Variants in GTF2I observed in about 807,000 individuals in gnomAD.
GTF2I encodes the protein general transcription factor II-I.
Under a neutral mutation model 67.6 loss-of-function variants are expected in GTF2I, and 12 were observed. The observed-to-expected ratio is 0.18, with a 90% CI of 0.11 to 0.29. GTF2I has a LOEUF of 0.29. Among genes scored for constraint, GTF2I ranks in the 10% least tolerant of loss-of-function variants. The pLI is 1.00. For synonymous variants in GTF2I, 149 were observed against 197.0 expected, an observed-to-expected ratio of 0.76 and a Z score of 2.04; for missense variants, 271 against 580.1, an observed-to-expected ratio of 0.47 and a Z score of 5.47.
intron 3 of GTF2I, among the ~76,000 whole-genome samples, chr7:74,697,583 C>G (rs2131322741): frequency 6.6e-6 from 1 of 152,198 alleles, no homozygotes; most frequent in Middle Eastern, 3.4e-3. Flanking sequence ...ATAATCTTCT[C>G]ATATTTAAAT....
At chr7:74,659,969 A>G (rs1804324019) in intron 1 of GTF2I, among the ~76,000 whole-genome samples, 1 of 152,158 alleles carries the variant, frequency 6.6e-6, no homozygotes, top group African/African-American at 2.4e-5. Flanking sequence ...GTGCAGGTAG[A>G]GTGCCCTGCG....
chr7:74,725,670 A>T (rs1793674516), intron 12 of GTF2I, among the ~76,000 whole-genome samples: 2 of 152,030 alleles, frequency 1.3e-5, no homozygotes, highest in Non-Finnish European at 2.9e-5. Flanking sequence ...AAGGAGGGAG[A>T]CCCTGTCTTA....
intron 1 of GTF2I, among the ~76,000 whole-genome samples, chr7:74,678,800 C>A (rs587761001): frequency 6.6e-6 from 1 of 152,248 alleles, no homozygotes; most frequent in Admixed American, 6.5e-5. Flanking sequence ...GAGACAGAGT[C>A]TCGCTCTGTC....
intron 1 of GTF2I, among the ~76,000 whole-genome samples, chr7:74,673,862 G>T (rs965649927): frequency 6.6e-6 from 1 of 151,492 alleles, no homozygotes; most frequent in Non-Finnish European, 1.5e-5. Context: ...TGTAGTTTTA[G>T]TAGAGACAGG....
At chr7:74,706,558 A>T in intron 8 of GTF2I, 125 bp downstream of exon 8, 2 of 678,328 alleles carry the variant, frequency 2.9e-6, no homozygotes, top group Admixed American at 2.5e-5. Context: ...CTACTAATGT[A>T]TTCCAACTGT....
chr7:74,711,058 A>T lies in GTF2I; in HGVS notation c.712A>T (p.Thr238Ser), dbSNP rs782675626. Residue 238 changes from threonine to serine, a missense_variant, in exon 9 of 35, where the codon ACA becomes TCA. Thr to Ser is a moderately conservative substitution (Grantham distance 58). Coordinates refer to ENST00000573035, the MANE Select transcript of GTF2I (RefSeq NM_032999.4). ...SGISLEMAAV[T>S]VKEESEDPDY... is the part of the protein sequence containing the mutation. Reference sequence around the variant, plus strand: ...CATTTCCCTGGAAATGGCAGCTGTGACAGTAAAGGAAGAATCAGAAGATCC... The same window carrying T: ...CATTTCCCTGGAAATGGCAGCTGTGTCAGTAAAGGAAGAATCAGAAGATCC... The T allele has an allele frequency of 3.8e-5, 59 of 1,542,208 alleles. No individual in the cohort carries two copies. The highest frequency in any genetic ancestry group is 5.1e-5 in the Non-Finnish European group (58 of 1,132,458).
intron 3 of GTF2I, among the ~76,000 whole-genome samples, chr7:74,693,420 C>T (rs1788552873): frequency 6.6e-6 from 1 of 151,664 alleles, no homozygotes; most frequent in South Asian, 2.1e-4. Flanking sequence ...TGTAATTGTA[C>T]TGGGAGTCCT....
At chr7:74,709,711 C>T (rs896625199) in intron 8 of GTF2I, among the ~76,000 whole-genome samples, 9 of 150,100 alleles carry the variant, frequency 6.0e-5, no homozygotes, top group African/African-American at 2.0e-4. Flanking sequence ...CTTGCTGTGT[C>T]GCCCAGGCTG....
rs376116519 is a variant in GTF2I at position 74,715,992 on chromosome 7, C to T, written c.824-902C>T. 7.4e-4 allele frequency among the ~76,000 whole-genome samples: 112 copies of T among 152,120 alleles called. 3 individuals carry two copies. In the South Asian group the frequency reaches 0.022, roughly 30 times the overall value. ...TAGTATAGCTTCTGAATTTAGTTCTCAATAGATAAGACAAAAGAGATGAAC... is the reference window on the plus strand; with the variant it reads ...TAGTATAGCTTCTGAATTTAGTTCTTAATAGATAAGACAAAAGAGATGAAC... On this transcript the variant is annotated intron_variant, in intron 10 of 34. Transcript: ENST00000573035.
intron 12 of GTF2I, among the ~76,000 whole-genome samples, chr7:74,723,026 T>C (rs1554404917): frequency 6.6e-6 from 1 of 152,178 alleles, no homozygotes; most frequent in Non-Finnish European, 1.5e-5. Flanking sequence ...TAGTGCCAGA[T>C]ACTTGACTGC....
chr7:74,678,032 A>G (rs1457585730), intron 1 of GTF2I, among the ~76,000 whole-genome samples: 1 of 151,872 alleles, frequency 6.6e-6, no homozygotes, highest in African/African-American at 2.4e-5. Flanking sequence ...TTTCTCTGGT[A>G]AAAGTATTAT....
chr7:74,699,066 C>T lies in GTF2I; in HGVS notation c.344C>T (p.Thr115Ile). 1 of 1,524,222 alleles carries T rather than the reference C, an allele frequency of 6.6e-7. No homozygotes were observed. Among genetic ancestry groups the T allele is most frequent in the Non-Finnish European group, 8.8e-7 (1 of 1,131,090 alleles). 94.4% of individuals were successfully genotyped at this position (1,524,222 alleles called of 1,614,324 possible). A position where few individuals can be genotyped will look rare whatever the true frequency, so the allele number is the denominator to read the frequency against. ...GTAGAAATTGAAACACTCAGAAAAA[C>T]AGTTGAGGACTATTTCTGCTTTTGC... is the stretch of plus-strand genomic sequence containing the variant. ...DAVEIETLRKTVEDYFCFCYG... is the reference protein window; with the variant it reads ...DAVEIETLRKIVEDYFCFCYG... The change falls in exon 4 of 35, where the codon ACA (threonine) becomes ATA (isoleucine). Residue 115 changes from threonine to isoleucine, a missense_variant. Coordinates refer to ENST00000573035, the MANE Select transcript of GTF2I (RefSeq NM_032999.4).
chr7:74,702,193 G>A (rs1789870782), intron 6 of GTF2I, among the ~76,000 whole-genome samples: 1 of 151,552 alleles, frequency 6.6e-6, no homozygotes. Flanking sequence ...ACGTAGGAGT[G>A]CAATTACTAG....
rs902183182 is a variant in GTF2I, at chr7:74,713,733, C to T, written c.764-1124C>T. Among the ~76,000 whole-genome samples the T allele has an allele frequency of 3.9e-5, 6 of 152,086 alleles. No homozygotes were observed. In the South Asian group the frequency reaches 1.2e-3, roughly 32 times the overall value. ...CTTGTGAAGAGCAACTAAAGCAGTACTTAGAGGTCAATTAGTAGCCTTCAC... is the reference window on the plus strand; with the variant it reads ...CTTGTGAAGAGCAACTAAAGCAGTATTTAGAGGTCAATTAGTAGCCTTCAC... On this transcript the variant is annotated intron_variant, in intron 9 of 34. Coordinates refer to ENST00000573035, the MANE Select transcript of GTF2I (RefSeq NM_032999.4).
intron 1 of GTF2I, among the ~76,000 whole-genome samples, chr7:74,659,518 T>A (rs1237095122): frequency 6.6e-6 from 1 of 151,746 alleles, no homozygotes; most frequent in East Asian, 1.9e-4. Context: ...GCCTCCTGAG[T>A]AGCTGGGATT....
intron 6 of GTF2I, among the ~76,000 whole-genome samples, chr7:74,700,998 T>C (rs1277800728): frequency 6.6e-6 from 1 of 152,222 alleles, no homozygotes; most frequent in Admixed American, 6.5e-5. Context: ...TTTTGAGAGC[T>C]GTGAGTCTCA....
At chr7:74,662,441 C>T (rs1804588390) in intron 1 of GTF2I, among the ~76,000 whole-genome samples, 2 of 147,850 alleles carry the variant, frequency 1.4e-5, no homozygotes, top group Non-Finnish European at 3.0e-5. Context: ...AACTCCTGAC[C>T]TCAGGTGATC....
At chr7:74,693,102 G>A (rs1554397479) in intron 3 of GTF2I, among the ~76,000 whole-genome samples, 2 of 151,656 alleles carry the variant, frequency 1.3e-5, no homozygotes, top group Non-Finnish European at 2.9e-5. Flanking sequence ...TGCAGACACT[G>A]CAGTTTTCAC....
At chr7:74,715,999 TAAGAC>T (rs1488784987) in intron 10 of GTF2I, among the ~76,000 whole-genome samples, 1 of 152,100 alleles carries the variant, frequency 6.6e-6, no homozygotes, top group East Asian at 1.9e-4. Context: ...TCTCAATAGA[TAAGAC>T]AAAAGAGATG....
Sources: allele counts gnomAD v4.1 joint callset (sites outside exome capture counted in the v4.1 genomes callset), GRCh38; gene constraint gnomAD v4.1.1; transcripts MANE v1.5; gene names NCBI Gene and HGNC (gene_info 2026-07-23, HGNC 2026-07-21).